The following CC2D2A variants were observed in gnomAD, a reference collection of about 807,000 sequenced individuals.
The protein encoded by CC2D2A is coiled-coil and C2 domain containing 2A, also known as coiled-coil and C2 domain-containing protein 2A.
A neutral mutation model predicts 212.9 loss-of-function variants in CC2D2A; 155 were observed. The observed-to-expected ratio is 0.73, with a 90% CI of 0.64 to 0.83. The LOEUF (loss-of-function observed/expected upper bound fraction) is 0.83. CC2D2A is among the 40% of genes least tolerant of loss of function. CC2D2A has a pLI of 0.00. For missense variants in CC2D2A, 1,856 were observed against 1,956.2 expected, an observed-to-expected ratio of 0.95 and a Z score of 0.97; for synonymous variants, 667 against 686.5, an observed-to-expected ratio of 0.97 and a Z score of 0.44.
chr4:15,532,750 A>G (rs1023844742), intron 13 of CC2D2A, among the ~76,000 whole-genome samples: 1 of 152,240 alleles, frequency 6.6e-6, no homozygotes, highest in African/African-American at 2.4e-5. Flanking sequence ...GAATATTGAA[A>G]ATCTCCAAGG....
chr4:15,563,445 C>G lies in CC2D2A; in HGVS notation c.3105C>G (p.Asn1035Lys). 5 of 1,611,830 alleles carry G rather than the reference C, an allele frequency of 3.1e-6. No homozygotes were observed. The highest frequency in any genetic ancestry group is 4.2e-6 in the Non-Finnish European group (5 of 1,179,020). The change falls in exon 24 of 37, where the codon AAC (asparagine) becomes AAG (lysine). Residue 1035 changes from asparagine to lysine, a missense_variant. By Grantham distance (94) the Asn-to-Lys change is moderately conservative. This residue lies in a region of CC2D2A where 1,512 missense variants were observed against 1,579.3 expected (regional missense o/e 0.96). Transcript: ENST00000424120. ...RKGRKKVTAQ[N>K]LSDGDIKLLV... is the part of the protein sequence containing the mutation. ...GTCGGAAGAAGGTGACAGCCCAAAA[C>G]CTGTCTGATGGAGACATAAAGCTGC... is the stretch of plus-strand genomic sequence containing the variant.
intron 21 of CC2D2A, among the ~76,000 whole-genome samples, chr4:15,557,942 T>C (rs965943365): frequency 3.3e-5 from 5 of 152,092 alleles, no homozygotes; most frequent in Non-Finnish European, 7.4e-5. Flanking sequence ...ACTAGAGGGA[T>C]AGGATCTGAA....
At chr4:15,566,769 C>T (rs1719897744) in intron 24 of CC2D2A, among the ~76,000 whole-genome samples, 1 of 151,948 alleles carries the variant, frequency 6.6e-6, no homozygotes, top group Non-Finnish European at 1.5e-5. Flanking sequence ...CGCAGGAGTT[C>T]AAGACCACCC....
Position 15,579,964 on chromosome 4 carries a change from G to A in CC2D2A, c.3772-4G>A, listed in dbSNP as rs369928983. On this transcript the variant is annotated splice_region_variant and splice_polypyrimidine_tract_variant and intron_variant, in intron 29 of 36. Coordinates refer to ENST00000424120, the MANE Select transcript of CC2D2A (RefSeq NM_001378615.1). ...TAAACTCCATGAAGTCTTTCTTTTTGAAGTTTGAGTCTCAGGAAGATGAGA... is the reference window on the plus strand; with the variant it reads ...TAAACTCCATGAAGTCTTTCTTTTTAAAGTTTGAGTCTCAGGAAGATGAGA... 83 of 1,610,568 alleles carry A rather than the reference G, an allele frequency of 5.2e-5. No homozygotes were observed. Among genetic ancestry groups the A allele is most frequent in the Non-Finnish European group, 6.4e-5 (75 of 1,178,112 alleles).
At chr4:15,491,633 G>A (rs1446705464) in intron 4 of CC2D2A, among the ~76,000 whole-genome samples, 1 of 152,202 alleles carries the variant, frequency 6.6e-6, no homozygotes, top group Non-Finnish European at 1.5e-5. Flanking sequence ...TTGAACTCCT[G>A]ACCTCAAGTG....
At chr4:15,560,503 T>C (rs1451484148) in intron 22 of CC2D2A, 28 bp from the exon 23 acceptor site, 1 of 1,194,614 alleles carries the variant, frequency 8.4e-7, no homozygotes, top group South Asian at 1.4e-5. Flanking sequence ...AATAATAACA[T>C]TTTAAATAAG....
chr4:15,479,207 T>A (rs1441801795), intron 3 of CC2D2A: 2 of 1,531,512 alleles, frequency 1.3e-6, no homozygotes, highest in Non-Finnish European at 1.8e-6. Flanking sequence ...AAGCCCAAAT[T>A]CTGTCTTTGA....
intron 36 of CC2D2A, among the ~76,000 whole-genome samples, chr4:15,600,938 TTG>T (rs1471809003): frequency 1.3e-5 from 2 of 151,534 alleles, no homozygotes. Flanking sequence ...AGAAATGTAT[TTG>T]TTAGTTTAAC....
rs762984980 is a variant in CC2D2A at position 15,515,938 on chromosome 4, G to A, written c.951G>A (p.Gly317=). 8 of 1,569,356 alleles carry A rather than the reference G, an allele frequency of 5.1e-6. No homozygotes were observed. Among genetic ancestry groups the A allele is most frequent in the South Asian group, 1.2e-5 (1 of 85,008 alleles). The change falls in exon 10 of 37, where the codon GGG becomes GGA. Residue 317 remains glycine (G), a synonymous_variant. Transcript: ENST00000424120. ...RFLEDEGLYT[G]VRPEVARTNQ... ...TGGAAGATGAAGGCCTTTACACCGG[G>A]GTAAGACCAGAGGTGGCACGCACCA...
At chr4:15,581,436 G>C (rs1253989236) in intron 30 of CC2D2A, among the ~76,000 whole-genome samples, 1 of 152,188 alleles carries the variant, frequency 6.6e-6, no homozygotes, top group Non-Finnish European at 1.5e-5. Flanking sequence ...ATGAAAGCTT[G>C]AAATAGTGTT....
chr4:15,514,745 C>T lies in CC2D2A; in HGVS notation c.756C>T (p.Asp252=), dbSNP rs1167927165. The change falls in exon 9 of 37, where the codon GAC becomes GAT. Residue 252 remains aspartate (D), a synonymous_variant. Coordinates refer to ENST00000424120, the MANE Select transcript of CC2D2A (RefSeq NM_001378615.1). ...TGCTTAATGGTGATGATGCCGAGGA[C>T]TTCCTATTGGGCTTAGATCACGTGG... ...EELLNGDDAE[D]FLLGLDHVAD... The T allele has an allele frequency of 4.4e-6, 7 of 1,605,922 alleles. No individual in the cohort carries two copies. The highest frequency in any genetic ancestry group is 1.7e-5 in the Admixed American group (1 of 59,650).
chr4:15,512,399 C>T (rs958036410), intron 8 of CC2D2A, among the ~76,000 whole-genome samples: 1 of 152,192 alleles, frequency 6.6e-6, no homozygotes, highest in Non-Finnish European at 1.5e-5. Context: ...CTGACACATG[C>T]CACAACATAG....
intron 18 of CC2D2A, among the ~76,000 whole-genome samples, chr4:15,551,833 T>G (rs1472321744): frequency 1.3e-5 from 2 of 152,190 alleles, no homozygotes; most frequent in Non-Finnish European, 2.9e-5. Flanking sequence ...CATGTGTCTG[T>G]TTTTTTATTG....
chr4:15,567,609 C>T, intron 25 of CC2D2A, 68 bp from the exon 26 acceptor site: 1 of 1,326,238 alleles, frequency 7.5e-7, no homozygotes, highest in Non-Finnish European at 1.0e-6. Context: ...TAAATATACT[C>T]TATTTTTGCT....
chr4:15,519,228 G>A, intron 11 of CC2D2A: 1 of 333,276 alleles, frequency 3.0e-6, no homozygotes, highest in South Asian at 2.4e-5. Flanking sequence ...AAATCTCTAG[G>A]GCAGAGGCAA....
At position 15,538,155 on chromosome 4, in the gene CC2D2A, C is replaced by T. The variant is rs1454524031; in HGVS notation, c.2003+18C>T. The T allele has an allele frequency of 2.0e-6, 3 of 1,521,072 alleles. No homozygotes were observed. Among genetic ancestry groups the T allele is most frequent in the South Asian group, 2.5e-5 (2 of 78,438 alleles). 94.2% of individuals were successfully genotyped at this position (1,521,072 alleles called of 1,614,324 possible). ...TGCCCCAGGTGAGTGGATGCTCCGA[C>T]CGTAAATGAGGCTGACATCTGATAC... On this transcript the variant is annotated intron_variant, in intron 16 of 36. Transcript: ENST00000424120.
intron 30 of CC2D2A, among the ~76,000 whole-genome samples, chr4:15,580,743 A>G (rs532020518): frequency 6.6e-6 from 1 of 152,180 alleles, no homozygotes; most frequent in African/African-American, 2.4e-5. Flanking sequence ...AATGTATTAC[A>G]TAAACATGTT....
intron 34 of CC2D2A, 146 bp downstream of exon 34, chr4:15,596,353 GA>G: frequency 1.6e-6 from 1 of 619,282 alleles, no homozygotes; most frequent in East Asian, 3.2e-5. Flanking sequence ...ACAAGAAACA[GA>G]TATATACGTT....
At chr4:15,509,210 C>T (rs1716423492) in intron 6 of CC2D2A, among the ~76,000 whole-genome samples, 1 of 151,656 alleles carries the variant, frequency 6.6e-6, no homozygotes, top group Non-Finnish European at 1.5e-5. Flanking sequence ...CAATGTTTTT[C>T]TTTATAGACT....
Sources: gnomAD v4.1 joint callset for allele counts (sites outside exome capture counted in the v4.1 genomes callset) on GRCh38, gnomAD v4.1.1 for gene constraint, gnomAD v4.1.1 regional missense constraint, MANE v1.5 for transcripts, NCBI Gene and HGNC (gene_info 2026-07-23, HGNC 2026-07-21) for gene names.